Variants in USP40 observed in about 807,000 individuals in gnomAD.
USP40 encodes the protein ubiquitin specific peptidase 40, also known as ubiquitin carboxyl-terminal hydrolase 40.
In USP40, 143 loss-of-function variants were observed where a neutral mutation model predicts 166.2. The ratio of observed to expected loss-of-function variants is 0.86; its 90% CI spans 0.75 to 0.99. The LOEUF (loss-of-function observed/expected upper bound fraction) is 0.99. Among genes scored for constraint, USP40 ranks in the 50% least tolerant of loss-of-function variants. USP40 has a pLI of 0.00. For synonymous variants in USP40, 498 were observed against 524.0 expected (o/e 0.95, Z 0.68); for missense variants, 1,444 against 1,479.7 (o/e 0.98, Z 0.40).
chr2:233,545,052 T>G (rs144817886), intron 8 of USP40, among the ~76,000 whole-genome samples: 22 of 152,250 alleles, frequency 1.4e-4, no homozygotes, highest in African/African-American at 5.1e-4. Context: ...TAAATCAAGT[T>G]CTTAAAAAGC....
At position 233,485,915 on chromosome 2, in the gene USP40, G is replaced by A; in HGVS notation, c.3260C>T (p.Ala1087Val). Residue 1087 changes from alanine to valine, a missense_variant, in exon 29 of 32, where the codon GCC (alanine) becomes GTC (valine). Ala to Val is a moderately conservative substitution (Grantham distance 64). Transcript: ENST00000678225. ...RIPGERTYAP[A>V]LDLVWNAAQG... is the part of the protein sequence containing the mutation. ...GGCCGCGTTCCACACCAGGTCCAGGGCAGGGGCATAGGTCCTCTCACCAGG... is the reference window on the plus strand; with the variant it reads ...GGCCGCGTTCCACACCAGGTCCAGGACAGGGGCATAGGTCCTCTCACCAGG... 1 of 1,601,172 alleles carries A rather than the reference G, an allele frequency of 6.2e-7. No homozygotes were observed. Among genetic ancestry groups the A allele is most frequent in the Non-Finnish European group, 8.5e-7 (1 of 1,174,648 alleles).
intron 5 of USP40, among the ~76,000 whole-genome samples, chr2:233,556,407 T>C (rs966003958): frequency 2.0e-5 from 3 of 152,128 alleles, no homozygotes; most frequent in Admixed American, 6.5e-5. Context: ...TAAGCACACA[T>C]ATATAAATGA....
intron 3 of USP40, among the ~76,000 whole-genome samples, chr2:233,562,392 A>T (rs1362279373): frequency 6.6e-6 from 1 of 151,076 alleles, no homozygotes; most frequent in Non-Finnish European, 1.5e-5. Flanking sequence ...GCCATAAAAA[A>T]TGATGAGTTC....
At chr2:233,482,601 T>G (rs916442459) in intron 30 of USP40, among the ~76,000 whole-genome samples, 3 of 150,708 alleles carry the variant, frequency 2.0e-5, no homozygotes, top group Non-Finnish European at 4.4e-5. Flanking sequence ...TTTTGTTTTT[T>G]TTTTTTTGAC....
At chr2:233,488,031 C>G in intron 28 of USP40, 1 of 704,412 alleles carries the variant, frequency 1.4e-6, no homozygotes, top group South Asian at 1.5e-5. Context: ...AAAATTAATT[C>G]TCCCTTACTG....
chr2:233,486,356 A>G lies in USP40; in HGVS notation c.3198-379T>C, dbSNP rs1426105135. Among the ~76,000 whole-genome samples, 1 of 152,128 alleles carries G rather than the reference A, an allele frequency of 6.6e-6. No homozygotes were observed. The highest frequency in any genetic ancestry group is 1.5e-5 in the Non-Finnish European group (1 of 68,022). Reference sequence around the variant, plus strand: ...GGCAGGAGGAGAGCGGGCTCGAGGTAGGCAGTTATGCCCTTGACTCTGGGG... The same window carrying G: ...GGCAGGAGGAGAGCGGGCTCGAGGTGGGCAGTTATGCCCTTGACTCTGGGG... On this transcript the variant is annotated intron_variant, in intron 28 of 31. Coordinates refer to ENST00000678225, the MANE Select transcript of USP40 (RefSeq NM_001365479.2). This position sits in a 1 kb window ranked among gnomAD's most constrained non-coding sequence, Gnocchi z 4.0.
intron 2 of USP40, among the ~76,000 whole-genome samples, chr2:233,564,448 G>A (rs1485579525): frequency 6.6e-6 from 1 of 152,176 alleles, no homozygotes; most frequent in Non-Finnish European, 1.5e-5. Flanking sequence ...TGTGGAGGAA[G>A]CTGGTTTGCA....
intron 18 of USP40, among the ~76,000 whole-genome samples, chr2:233,514,320 G>A (rs1034206378): frequency 3.9e-5 from 6 of 152,150 alleles, no homozygotes; most frequent in African/African-American, 1.2e-4. Flanking sequence ...AAGATTAACT[G>A]GGACTGTGTG....
At chr2:233,554,272 T>C in intron 6 of USP40, 108 bp downstream of exon 6, 1 of 1,143,902 alleles carries the variant, frequency 8.7e-7, no homozygotes, top group Non-Finnish European at 1.2e-6. Flanking sequence ...ATCTTTTCAA[T>C]CCTTAGTGTC....
chr2:233,518,096 G>A lies in USP40; in HGVS notation c.2383+1518C>T, dbSNP rs750667498. ...TGTAGTGTATACTGCTCGTGTGATA[G>A]GTGCACCAAAATCTCACAAAGCACC... On this transcript the variant is annotated intron_variant, in intron 18 of 31. Transcript: ENST00000678225. 9.0e-4 allele frequency among the ~76,000 whole-genome samples: 136 copies of A among 151,024 alleles called. 3 individuals carry two copies. Among genetic ancestry groups the A allele is most frequent in the Admixed American group, 5.9e-4 (9 of 15,146 alleles).
chr2:233,498,808 ACT>A lies in USP40; in HGVS notation c.2651-198_2651-197del, dbSNP rs563082570. The stretch of plus-strand genomic sequence containing the variant: ...ATCAGAATGAGGTCTCATCAAGCTC[ACT>A]GACATGATCTCACCTGGAAAGTTGC... On this transcript the variant is annotated intron_variant, in intron 22 of 31. Transcript: ENST00000678225. 3.3e-5 allele frequency among the ~76,000 whole-genome samples: 5 copies of A among 152,354 alleles called. 1 individual carries two copies. The highest frequency in any genetic ancestry group is 2.6e-4 in the Admixed American group (4 of 15,296).
chr2:233,493,552 C>G lies in USP40; in HGVS notation c.2791-1G>C. ...ACCAGATGGGCACCTTCAGGAAACC[C>G]TGAAGAATGGAGCATGTTTAACTGC... On this transcript the variant is annotated splice_acceptor_variant, in intron 24 of 31. Coordinates refer to ENST00000678225, the MANE Select transcript of USP40 (RefSeq NM_001365479.2). LOFTEE classifies it high-confidence loss of function. This position sits in a 1 kb window ranked among gnomAD's most constrained non-coding sequence, Gnocchi z 4.7. 2 of 1,610,746 alleles carry G rather than the reference C, an allele frequency of 1.2e-6. No individual in the cohort carries two copies. Among genetic ancestry groups the G allele is most frequent in the Non-Finnish European group, 1.7e-6 (2 of 1,178,340 alleles).
chr2:233,481,940 A>C (rs1256230006), intron 30 of USP40, among the ~76,000 whole-genome samples: 4 of 152,232 alleles, frequency 2.6e-5, no homozygotes, highest in African/African-American at 9.6e-5. Flanking sequence ...CGTGTCAGGA[A>C]AGACACAGCG....
At chr2:233,513,801 GC>G (rs1251804875) in intron 18 of USP40, among the ~76,000 whole-genome samples, 5 of 152,000 alleles carry the variant, frequency 3.3e-5, no homozygotes, top group Non-Finnish European at 7.4e-5. Flanking sequence ...CTTGGAAGGG[GC>G]ATACCAAGTT....
intron 27 of USP40, among the ~76,000 whole-genome samples, chr2:233,489,075 G>A (rs2125058387): frequency 6.6e-6 from 1 of 152,312 alleles, no homozygotes; most frequent in African/African-American, 2.4e-5. Flanking sequence ...TTCTGAGTGA[G>A]AAACAGCCAC....
chr2:233,477,191 C>T lies in USP40; in HGVS notation c.*201G>A, dbSNP rs750898632. The T allele has an allele frequency of 1.3e-3, 757 of 594,596 alleles. No homozygotes were observed. Among genetic ancestry groups the T allele is most frequent in the Non-Finnish European group, 2.0e-3 (654 of 326,988 alleles). 36.8% of individuals were successfully genotyped at this position (594,596 alleles called of 1,614,324 possible). On this transcript the variant is annotated 3_prime_UTR_variant, in exon 32 of 32. Transcript: ENST00000678225. ...TGGGTGGGCGACATCCAGAGCTGCA[C>T]CAGCCCCCGTGGCTGCCACGTGTTG...
intron 27 of USP40, 22 bp from the exon 28 acceptor site, chr2:233,488,326 T>C: frequency 7.1e-6 from 11 of 1,554,534 alleles, no homozygotes; most frequent in Non-Finnish European, 9.6e-6. Flanking sequence ...TGAAACAAGA[T>C]AATATTGAGT....
At position 233,527,469 on chromosome 2, in the gene USP40, C is replaced by G. The variant is rs527497176; in HGVS notation, c.1663G>C (p.Val555Leu). The G allele has an allele frequency of 6.2e-7, 1 of 1,613,650 alleles. No individual in the cohort carries two copies. The highest frequency in any genetic ancestry group is 1.3e-5 in the African/African-American group (1 of 74,902). ...CTTTTATCAAAGGTCAAATCCCACA[C>G]GCTTTCTGTTTGAGAGACTACTGGG... ...LHPVVSQTES[V>L]WDLTFDKRKT... The change falls in exon 13 of 32, where the codon GTG becomes CTG. Residue 555 changes from valine to leucine, a missense_variant. Transcript: ENST00000678225.
At position 233,551,479 on chromosome 2, in the gene USP40, G is replaced by A. The variant is rs368113464; in HGVS notation, c.734C>T (p.Ser245Leu). Residue 245 changes from serine to leucine, a missense_variant, in exon 7 of 32, where the codon TCA becomes TTA. Ser to Leu is a moderately radical substitution (Grantham distance 145). Coordinates refer to ENST00000678225, the MANE Select transcript of USP40 (RefSeq NM_001365479.2). ...LRKLPPFLTVSLLRFNFDFVK... is the reference protein window; with the variant it reads ...LRKLPPFLTVLLLRFNFDFVK... ...AAAATCAAAATTAAATCTTAGTAATGAAACAGTAAGAAAAGGAGGCAGCTT... is the reference window on the plus strand; with the variant it reads ...AAAATCAAAATTAAATCTTAGTAATAAAACAGTAAGAAAAGGAGGCAGCTT... The A allele has an allele frequency of 1.2e-6, 2 of 1,607,010 alleles. No individual in the cohort carries two copies. Among genetic ancestry groups the A allele is most frequent in the Non-Finnish European group, 1.7e-6 (2 of 1,177,136 alleles).
Sources: gnomAD v4.1 joint callset for allele counts (sites outside exome capture counted in the v4.1 genomes callset) on GRCh38, gnomAD v4.1.1 for gene constraint, Gnocchi (gnomAD v3.1) non-coding constraint, MANE v1.5 for transcripts, NCBI Gene and HGNC (gene_info 2026-07-23, HGNC 2026-07-21) for gene names.